The following ABLIM1 variants were observed in gnomAD, a reference collection of about 807,000 sequenced individuals.
The protein encoded by ABLIM1 is actin-binding LIM protein 1.
ABLIM1 carries 40 observed loss-of-function variants against 107.0 expected under a neutral mutation model. The observed-to-expected ratio is 0.37, with a 90% CI of 0.29 to 0.49. The LOEUF is 0.49. ABLIM1 is among the 20% of genes least tolerant of loss of function. The pLI is 0.97. For synonymous variants in ABLIM1, 357 were observed against 357.3 expected (o/e 1.00, Z 0.01); for missense variants, 857 against 1,008.5 (o/e 0.85, Z 2.04).
intron 1 of ABLIM1, among the ~76,000 whole-genome samples, chr10:114,694,907 C>G (rs189134250): frequency 1.1e-3 from 170 of 152,312 alleles, no homozygotes; most frequent in African/African-American, 3.8e-3. Context: ...GGACATTGAG[C>G]CGCAGCAGCG....
intron 14 of ABLIM1, 117 bp from the exon 15 acceptor site, chr10:114,448,137 C>G (rs2061321673): frequency 4.5e-6 from 6 of 1,329,856 alleles, no homozygotes. Flanking sequence ...CCAGAAAGTT[C>G]TGTTTATTAC....
At chr10:114,708,920 T>C (rs1263994976) in intron 1 of ABLIM1, among the ~76,000 whole-genome samples, 1 of 152,204 alleles carries the variant, frequency 6.6e-6, no homozygotes, top group Non-Finnish European at 1.5e-5. Context: ...TACCATGTCT[T>C]TCCATTTTGA....
intron 4 of ABLIM1, among the ~76,000 whole-genome samples, chr10:114,568,854 T>C (rs1284100071): frequency 6.6e-6 from 1 of 152,200 alleles, no homozygotes; most frequent in East Asian, 1.9e-4. Context: ...TATTTTTATG[T>C]TTTTAATTTT....
At chr10:114,536,665 T>C (rs956782948) in intron 6 of ABLIM1, among the ~76,000 whole-genome samples, 5 of 152,208 alleles carry the variant, frequency 3.3e-5, no homozygotes, top group African/African-American at 1.2e-4. Context: ...ACCTTTTGCT[T>C]AATTCATATT....
chr10:114,583,073 A>T (rs1327510563), intron 2 of ABLIM1, among the ~76,000 whole-genome samples: 2 of 152,162 alleles, frequency 1.3e-5, no homozygotes, highest in Admixed American at 1.3e-4. Flanking sequence ...GAGTAAACAG[A>T]CAACCTACAG....
At chr10:114,720,145 C>A (rs2081805807) in intron 1 of ABLIM1, among the ~76,000 whole-genome samples, 1 of 152,112 alleles carries the variant, frequency 6.6e-6, no homozygotes, top group Non-Finnish European at 1.5e-5. Context: ...GTTCCTGCAT[C>A]AGTTTGCTAA....
At chr10:114,801,336 G>C in the ABLIM1 span, among the ~76,000 whole-genome samples, 2 of 152,094 alleles carry the variant, frequency 1.3e-5, no homozygotes, top group African/African-American at 4.8e-5. Context: ...CATCACAAAG[G>C]TCCTTGTCAT....
chr10:114,453,444 T>TG lies in ABLIM1; in HGVS notation c.1480_1481insC (p.Tyr494SerfsTer17). 1 of 1,612,324 alleles carries TG rather than the reference T, an allele frequency of 6.2e-7. No homozygotes were observed. The highest frequency in any genetic ancestry group is 8.5e-7 in the Non-Finnish European group (1 of 1,178,978). On this transcript the variant is annotated frameshift_variant, in exon 13 of 23. Coordinates refer to ENST00000533213, the MANE Select transcript of ABLIM1 (RefSeq NM_002313.7). LOFTEE classifies it high-confidence loss of function. ...AGTTAGAGGGCGGCTGTCTGGCCGG[T>TG]AAGGGAGAGGGGAGTTCCGGCCGCT...
chr10:114,600,730 G>A (rs1396385520), intron 2 of ABLIM1, among the ~76,000 whole-genome samples: 5 of 152,072 alleles, frequency 3.3e-5, no homozygotes, highest in Admixed American at 3.3e-4. Flanking sequence ...TCTACAGAGT[G>A]CACTCTGAGT....
chr10:114,541,051 G>C (rs114357527), intron 6 of ABLIM1, among the ~76,000 whole-genome samples: 137 of 152,286 alleles, frequency 9.0e-4, no homozygotes, highest in African/African-American at 3.1e-3. Flanking sequence ...AGAGGGAACT[G>C]TAACAGAGAA....
At chr10:114,715,697 T>C (rs2081646031) in intron 1 of ABLIM1, among the ~76,000 whole-genome samples, 1 of 152,112 alleles carries the variant, frequency 6.6e-6, no homozygotes, top group African/African-American at 2.4e-5. Flanking sequence ...CACCGTGACT[T>C]TTCCTTTTCA....
intron 8 of ABLIM1, among the ~76,000 whole-genome samples, chr10:114,479,774 A>C (rs2057062600): frequency 6.6e-6 from 1 of 152,180 alleles, no homozygotes; most frequent in South Asian, 2.1e-4. Context: ...TTGAATGATT[A>C]TTTTTGGACT....
intron 2 of ABLIM1, among the ~76,000 whole-genome samples, chr10:114,597,850 G>A (rs2075582793): frequency 6.6e-6 from 1 of 152,166 alleles, no homozygotes; most frequent in Non-Finnish European, 1.5e-5. Flanking sequence ...AGGAGGAGAC[G>A]AAGACTTTGA....
At chr10:114,474,741 T>C (rs1486392197) in intron 8 of ABLIM1, among the ~76,000 whole-genome samples, 2 of 152,174 alleles carry the variant, frequency 1.3e-5, no homozygotes, top group Non-Finnish European at 2.9e-5. Flanking sequence ...CCAGCATTGA[T>C]ATAGTTTGGC....
intron 11 of ABLIM1, 93 bp downstream of exon 11, chr10:114,468,088 T>A (rs2065574304): frequency 2.6e-6 from 3 of 1,149,544 alleles, no homozygotes; most frequent in Non-Finnish European, 3.9e-6. Context: ...TTCTTTTGTA[T>A]GTTATGTTCT....
chr10:114,501,604 G>T (rs902279828), intron 6 of ABLIM1, among the ~76,000 whole-genome samples: 4 of 152,194 alleles, frequency 2.6e-5, no homozygotes, highest in South Asian at 2.1e-4. Context: ...TACAAAAAAC[G>T]AAGCAAAGTA....
rs112190043 is a variant in ABLIM1, at chr10:114,735,108, T to C, written c.-213+32953A>G. On this transcript the variant is annotated intron_variant, in intron 1 of 15. Coordinates refer to the ABLIM1 transcript ENST00000651092. ...ACTTCAAAGGTTTACAAAGACAAGATAGATTCTTGAGTCCCTGACCTCAAG... is the reference window on the plus strand; with the variant it reads ...ACTTCAAAGGTTTACAAAGACAAGACAGATTCTTGAGTCCCTGACCTCAAG... Among the ~76,000 whole-genome samples, 697 of 152,288 alleles carry C rather than the reference T, an allele frequency of 4.6e-3. 8 individuals are homozygous for C. The highest frequency in any genetic ancestry group is 0.016 in the African/African-American group (649 of 41,576).
chr10:114,696,382 C>T (rs1355237628), intron 1 of ABLIM1, among the ~76,000 whole-genome samples: 2 of 152,222 alleles, frequency 1.3e-5, no homozygotes, highest in Non-Finnish European at 2.9e-5. Flanking sequence ...TGTGACCTCA[C>T]ATGGATGAGC....
chr10:114,658,284 G>A (rs1203851028), upstream of ABLIM1: 3 of 1,518,846 alleles, frequency 2.0e-6, no homozygotes, highest in Non-Finnish European at 2.6e-6. Context: ...CTGTTCCCCT[G>A]GCTCCTTACT....
Sources: allele counts gnomAD v4.1 joint callset (sites outside exome capture counted in the v4.1 genomes callset), GRCh38; gene constraint gnomAD v4.1.1; transcripts MANE v1.5; gene names NCBI Gene and HGNC (gene_info 2026-07-23, HGNC 2026-07-21).